The following TTBK2 variants were observed in gnomAD, a reference collection of about 807,000 sequenced individuals.
TTBK2 encodes the protein tau-tubulin kinase 2.
A neutral mutation model predicts 110.8 loss-of-function variants in TTBK2; 28 were observed. The ratio of observed to expected loss-of-function variants is 0.25; its 90% confidence interval spans 0.19 to 0.35. The LOEUF is 0.35. Among genes scored for constraint, TTBK2 ranks in the 10% least tolerant of loss-of-function variants. TTBK2 has a pLI of 1.00. For synonymous variants in TTBK2, 532 were observed against 527.3 expected, an observed-to-expected ratio of 1.01 and a Z score of -0.12; for missense variants, 1,369 against 1,500.3, an observed-to-expected ratio of 0.91 and a Z score of 1.45.
At chr15:42,796,927 CAT>C (rs1217213339) in intron 9 of TTBK2, among the ~76,000 whole-genome samples, 1 of 152,146 alleles carries the variant, frequency 6.6e-6, no homozygotes, top group Non-Finnish European at 1.5e-5. Context: ...CTGGAAAAGA[CAT>C]AGTTATAAAA....
chr15:42,848,244 T>C (rs1265230129), intron 3 of TTBK2, among the ~76,000 whole-genome samples: 1 of 152,180 alleles, frequency 6.6e-6, no homozygotes. Context: ...CAACATTGTT[T>C]TGGCTACTCT....
At position 42,752,346 on chromosome 15, in the gene TTBK2, T is replaced by C. The variant is rs760324636; in HGVS notation, c.2900A>G (p.Lys967Arg). The change falls in exon 14 of 15, where the codon AAG becomes AGG. Residue 967 changes from lysine to arginine, a missense_variant. Lys to Arg is a conservative substitution (Grantham distance 26, BLOSUM62 2). Coordinates refer to ENST00000267890, the MANE Select transcript of TTBK2 (RefSeq NM_173500.4). ...CTGATAGGCTTTCTTTTGGAGGAGC[T>C]TTTCTTTTGCAGAAACTGGAGAGGA... Reference protein sequence around the residue: ...ESSSPVSAKEKLLQKKAYQPD... With the variant: ...ESSSPVSAKERLLQKKAYQPD... The C allele has an allele frequency of 2.5e-6, 4 of 1,614,096 alleles. No individual in the cohort carries two copies. The African/African-American group carries it at 5.3e-5, about 22-fold the overall frequency.
chr15:42,781,720 TA>T (rs1890187215), intron 11 of TTBK2, among the ~76,000 whole-genome samples: 1 of 152,182 alleles, frequency 6.6e-6, no homozygotes, highest in African/African-American at 2.4e-5. Flanking sequence ...ATTACTAGAT[TA>T]ACTCCAATAT....
chr15:42,800,809 C>T (rs1194586831), intron 9 of TTBK2, among the ~76,000 whole-genome samples: 1 of 151,192 alleles, frequency 6.6e-6, no homozygotes. Flanking sequence ...GAGGCATGGG[C>T]AAGGGGGGGT....
In TTBK2 at chr15:42,775,698, T is replaced by G. The variant is rs745797698; in HGVS notation, c.1435A>C (p.Ser479Arg). The change falls in exon 13 of 15, where the codon AGT (serine) becomes CGT (arginine). Residue 479 changes from serine to arginine, a missense_variant. By Grantham distance (110) the Ser-to-Arg change is moderately radical. Transcript: ENST00000267890. Reference protein sequence around the residue: ...TCLEKMQKDTSAGKESILPAL... With the variant: ...TCLEKMQKDTRAGKESILPAL... ...GGGAGAATAGATTCTTTTCCTGCACTGGTATCTTTCTGCATTTTCTCCAGG... is the reference window on the plus strand; with the variant it reads ...GGGAGAATAGATTCTTTTCCTGCACGGGTATCTTTCTGCATTTTCTCCAGG... 6.2e-7 allele frequency: 1 copy of G among 1,612,882 alleles called. No individual in the cohort carries two copies. Among genetic ancestry groups the G allele is most frequent in the Non-Finnish European group, 8.5e-7 (1 of 1,179,926 alleles).
At chr15:42,790,151 T>C (rs960373813) in intron 10 of TTBK2, among the ~76,000 whole-genome samples, 2 of 152,156 alleles carry the variant, frequency 1.3e-5, no homozygotes, top group African/African-American at 2.4e-5. Flanking sequence ...AAAAGACCTA[T>C]ATGTTAAGAC....
In TTBK2 at chr15:42,811,795, C is replaced by T; in HGVS notation, c.604-15G>A. On this transcript the variant is annotated splice_polypyrimidine_tract_variant and intron_variant, in intron 7 of 14. Coordinates refer to ENST00000267890, the MANE Select transcript of TTBK2 (RefSeq NM_173500.4). The stretch of plus-strand genomic sequence containing the variant: ...CTTCCCATTTCCTTCATAAACAAAA[C>T]AGAATCCAGTCACATAACATTATTA... The T allele has an allele frequency of 6.2e-7, 1 of 1,608,488 alleles. No homozygotes were observed. The highest frequency in any genetic ancestry group is 1.3e-5 in the African/African-American group (1 of 74,902).
chr15:42,777,633 C>A (rs976111102), intron 11 of TTBK2, among the ~76,000 whole-genome samples: 6 of 152,138 alleles, frequency 3.9e-5, no homozygotes, highest in African/African-American at 1.4e-4. Context: ...GAGAGGCTGC[C>A]AAGCCTGAGT....
At position 42,740,062 on chromosome 15, in the gene TTBK2, A is replaced by T. The variant is rs2061740995; in HGVS notation, c.*5733T>A. ...CTATCCATTGTTATTGTAAAATTAT[A>T]TCATCAGCAAATTCTATAGTCACAT... On this transcript the variant is annotated 3_prime_UTR_variant, in exon 15 of 15. Transcript: ENST00000267890. 1 of 152,254 alleles carries T rather than the reference A, an allele frequency of 6.6e-6. No homozygotes were observed. Among genetic ancestry groups the T allele is most frequent in the South Asian group, 2.1e-4 (1 of 4,836 alleles). The allele number at this position is 152,254 out of a possible 1,614,324, so 9.4% of individuals were successfully genotyped here.
chr15:42,847,102 G>C (rs1893500811), intron 3 of TTBK2, among the ~76,000 whole-genome samples: 1 of 152,146 alleles, frequency 6.6e-6, no homozygotes, highest in Admixed American at 6.5e-5. Flanking sequence ...AATCAAGGGA[G>C]CCCCAGGTTG....
intron 3 of TTBK2, among the ~76,000 whole-genome samples, chr15:42,857,974 T>C (rs1314222420): frequency 6.6e-6 from 1 of 151,910 alleles, no homozygotes; most frequent in Admixed American, 6.6e-5. Context: ...TCCCAGCTAC[T>C]AGGGAGGCTG....
At chr15:42,817,004 C>A in intron 7 of TTBK2, 28 bp downstream of exon 7, 1 of 1,555,948 alleles carries the variant, frequency 6.4e-7, no homozygotes, top group Non-Finnish European at 8.8e-7. Context: ...CATACTTATA[C>A]AGATATGACT....
At chr15:42,865,086 A>G (rs1894313189) in intron 3 of TTBK2, among the ~76,000 whole-genome samples, 1 of 152,186 alleles carries the variant, frequency 6.6e-6, no homozygotes, top group Non-Finnish European at 1.5e-5. Context: ...GATTAGTTAT[A>G]AATCTGTATT....
At position 42,783,601 on chromosome 15, in the gene TTBK2, G is replaced by T. The variant is rs371538715; in HGVS notation, c.1015C>A (p.Leu339Ile). 1.2e-6 allele frequency: 2 copies of T among 1,613,916 alleles called. No homozygotes were observed. The highest frequency in any genetic ancestry group is 1.7e-6 in the Non-Finnish European group (2 of 1,180,034). ...ANATPIPGDLLRENTDEVFPD... is the reference protein window; with the variant it reads ...ANATPIPGDLIRENTDEVFPD... ...AATACCTCATCTGTATTTTCTCGAAGCAAGTCTCCAGGGATGGGAGTAGCA... is the reference window on the plus strand; with the variant it reads ...AATACCTCATCTGTATTTTCTCGAATCAAGTCTCCAGGGATGGGAGTAGCA... The change falls in exon 11 of 15, where the codon CTT (leucine) becomes ATT (isoleucine). Residue 339 changes from leucine to isoleucine, a missense_variant. Physicochemically the swap from Leu to Ile is conservative, Grantham distance 5. This residue lies in a region of TTBK2 where 1,097 missense variants were observed against 1,114.7 expected (regional missense o/e 0.98). Coordinates refer to ENST00000267890, the MANE Select transcript of TTBK2 (RefSeq NM_173500.4).
rs1027270353 is a variant in TTBK2, at chr15:42,745,032, A to G, written c.*763T>C. The G allele has an allele frequency of 6.5e-6, 1 of 154,330 alleles. No homozygotes were observed. Among genetic ancestry groups the G allele is most frequent in the Non-Finnish European group, 1.5e-5 (1 of 68,224 alleles). 9.6% of individuals were successfully genotyped at this position (154,330 alleles called of 1,614,324 possible). A position where few individuals can be genotyped will look rare whatever the true frequency, so the allele number is the denominator to read the frequency against. On this transcript the variant is annotated 3_prime_UTR_variant, in exon 15 of 15. Coordinates refer to ENST00000267890, the MANE Select transcript of TTBK2 (RefSeq NM_173500.4). ...TAAAGCCTGCAAAATAGCTCTAGTTAGACTTTTCTTTCCTTTACCTAACTT... is the reference window on the plus strand; with the variant it reads ...TAAAGCCTGCAAAATAGCTCTAGTTGGACTTTTCTTTCCTTTACCTAACTT...
chr15:42,754,085 CT>C (rs68057465), intron 13 of TTBK2, among the ~76,000 whole-genome samples: 42,120 of 132,030 alleles, frequency 0.32, 7,426 homozygotes, highest in African/African-American at 0.58. Flanking sequence ...CTAATGTTTT[CT>C]TTTTTTTTTT....
At chr15:42,804,008 C>CAAAAAAA (rs781131720) in intron 9 of TTBK2, among the ~76,000 whole-genome samples, 1 of 51,062 alleles carries the variant, frequency 2.0e-5, no homozygotes, top group African/African-American at 5.2e-5. Flanking sequence ...GCGAGGAGTG[C>CAAAAAAA]AAAAAAAAAA....
In TTBK2 at chr15:42,878,662, C is replaced by T. The variant is rs2141132917; in HGVS notation, c.-45G>A. ...AGAACAGCTACACAGGCATCCAGTTCCCAAGGGTGGTTTCCATTTAACCTA... is the reference window on the plus strand; with the variant it reads ...AGAACAGCTACACAGGCATCCAGTTTCCAAGGGTGGTTTCCATTTAACCTA... On this transcript the variant is annotated 5_prime_UTR_variant, in exon 2 of 15. Transcript: ENST00000267890. The T allele has an allele frequency of 1.2e-6, 2 of 1,613,470 alleles. No homozygotes were observed. Among genetic ancestry groups the T allele is most frequent in the Non-Finnish European group, 1.7e-6 (2 of 1,179,780 alleles).
chr15:42,875,905 CAAAAAA>C (rs57982301), intron 2 of TTBK2, among the ~76,000 whole-genome samples: 2 of 56,880 alleles, frequency 3.5e-5, no homozygotes, highest in African/African-American at 1.3e-4. Context: ...GACTCCGTCT[CAAAAAA>C]AAAAAAAAAA....
Sources: allele counts gnomAD v4.1 joint callset (sites outside exome capture counted in the v4.1 genomes callset), GRCh38; gene constraint gnomAD v4.1.1; regional missense constraint gnomAD v4.1.1; transcripts MANE v1.5; gene names NCBI Gene and HGNC (gene_info 2026-07-23, HGNC 2026-07-21).